Variants in FAR1 observed in about 807,000 individuals in gnomAD.
The protein encoded by FAR1 is male sterility domain-containing protein 2.
A neutral mutation model predicts 61.1 loss-of-function variants in FAR1; 22 were observed. That is an observed-to-expected ratio of 0.36 (90% confidence interval 0.26 to 0.51). FAR1 has a LOEUF of 0.51. Among genes scored for constraint, FAR1 ranks in the 20% least tolerant of loss-of-function variants. FAR1 has a pLI of 0.95. For synonymous variants in FAR1, 206 were observed against 209.7 expected (o/e 0.98, Z 0.15); for missense variants, 359 against 626.9 (o/e 0.57, Z 4.56).
chr11:13,694,211 G>T (rs1165417644), intron 1 of FAR1, among the ~76,000 whole-genome samples: 1 of 152,138 alleles, frequency 6.6e-6, no homozygotes, highest in African/African-American at 2.4e-5. Flanking sequence ...TTTAAAAGGG[G>T]AGATTTAAGC....
intron 1 of FAR1, among the ~76,000 whole-genome samples, chr11:13,673,760 C>G (rs1037405196): frequency 6.6e-6 from 1 of 152,214 alleles, no homozygotes; most frequent in Non-Finnish European, 1.5e-5. Flanking sequence ...TCTATATTTA[C>G]TTCAAAATGT....
At chr11:13,675,177 T>C (rs1208057674) in intron 1 of FAR1, among the ~76,000 whole-genome samples, 1 of 152,108 alleles carries the variant, frequency 6.6e-6, no homozygotes, top group Admixed American at 6.5e-5. Flanking sequence ...CATTATACTG[T>C]TCTGGGCACG....
chr11:13,690,036 C>T (rs1039486264), intron 1 of FAR1, among the ~76,000 whole-genome samples: 4 of 151,870 alleles, frequency 2.6e-5, no homozygotes, highest in South Asian at 2.1e-4. Context: ...CCACCACGCC[C>T]GACTAATTTT....
At chr11:13,687,077 A>G (rs1848194525) in intron 1 of FAR1, among the ~76,000 whole-genome samples, 1 of 152,194 alleles carries the variant, frequency 6.6e-6, no homozygotes, top group Non-Finnish European at 1.5e-5. Flanking sequence ...GTAGCTTTGT[A>G]TTATGTTTCT....
intron 1 of FAR1, among the ~76,000 whole-genome samples, chr11:13,681,243 A>T (rs561962551): frequency 2.6e-4 from 40 of 152,088 alleles, no homozygotes; most frequent in Non-Finnish European, 4.3e-4. Context: ...TTGAGTGGCT[A>T]AAAAAAACAG....
chr11:13,692,952 ATC>A (rs1848266775), intron 1 of FAR1, among the ~76,000 whole-genome samples: 1 of 151,870 alleles, frequency 6.6e-6, no homozygotes, highest in African/African-American at 2.4e-5. Flanking sequence ...ATCCGTGGTT[ATC>A]TGTTTGTATT....
intron 10 of FAR1, among the ~76,000 whole-genome samples, chr11:13,722,483 CTTTT>C (rs1014355829): frequency 6.8e-6 from 1 of 148,038 alleles, no homozygotes; most frequent in African/African-American, 2.5e-5. Flanking sequence ...TTTTCTTTTT[CTTTT>C]TTTTTGAGAT....
chr11:13,713,090 C>G, intron 8 of FAR1, 57 bp downstream of exon 8: 3 of 1,495,510 alleles, frequency 2.0e-6, no homozygotes, highest in Non-Finnish European at 2.8e-6. Flanking sequence ...ACCAAGTTCC[C>G]TGAAGTTTTA....
At chr11:13,708,543 T>G (rs1174914445) in intron 4 of FAR1, among the ~76,000 whole-genome samples, 1 of 152,058 alleles carries the variant, frequency 6.6e-6, no homozygotes, top group Admixed American at 6.6e-5. Context: ...TAGATTAATA[T>G]CTAAATAAAT....
intron 1 of FAR1, among the ~76,000 whole-genome samples, chr11:13,688,599 T>C (rs1848215023): frequency 6.6e-6 from 1 of 152,208 alleles, no homozygotes; most frequent in Admixed American, 6.5e-5. Flanking sequence ...TGGAAAACTT[T>C]CTGGTGCCTG....
chr11:13,725,314 C>T (rs1016077944), intron 10 of FAR1, among the ~76,000 whole-genome samples: 3 of 151,970 alleles, frequency 2.0e-5, no homozygotes, highest in African/African-American at 7.3e-5. Flanking sequence ...CCTGTTAATC[C>T]ACATCCTCCA....
chr11:13,711,397 A>T (rs914068585), intron 5 of FAR1, among the ~76,000 whole-genome samples: 1 of 152,106 alleles, frequency 6.6e-6, no homozygotes, highest in African/African-American at 2.4e-5. Context: ...TTTGAGGAGG[A>T]TTTACCATTT....
intron 3 of FAR1, 93 bp downstream of exon 3, chr11:13,700,585 G>A (rs1591263600): frequency 1.2e-6 from 1 of 803,548 alleles, no homozygotes; most frequent in Non-Finnish European, 1.8e-6. Flanking sequence ...TGTTTTGAAT[G>A]TGATTTGATA....
chr11:13,696,305 G>A (rs972477801), intron 2 of FAR1, among the ~76,000 whole-genome samples: 27 of 152,112 alleles, frequency 1.8e-4, no homozygotes, highest in African/African-American at 6.5e-4. Context: ...ACTTGTTGTA[G>A]GGGGTGGAAT....
intron 2 of FAR1, among the ~76,000 whole-genome samples, chr11:13,699,369 C>T (rs1410023783): frequency 6.6e-6 from 1 of 152,008 alleles, no homozygotes; most frequent in Non-Finnish European, 1.5e-5. Context: ...TATAAGAAAA[C>T]ATTAATATTC....
chr11:13,671,546 C>T (rs904809971), intron 1 of FAR1, among the ~76,000 whole-genome samples: 1 of 152,268 alleles, frequency 6.6e-6, no homozygotes, highest in Non-Finnish European at 1.5e-5. Flanking sequence ...GTAGGTTTAA[C>T]AGTCAACCAT....
chr11:13,720,479 A>G (rs1848598415), intron 9 of FAR1: 1 of 152,076 alleles, frequency 6.6e-6, no homozygotes, highest in Admixed American at 6.6e-5. Flanking sequence ...ATGCTTGATA[A>G]TTCGTTTTGT....
intron 9 of FAR1, among the ~76,000 whole-genome samples, chr11:13,716,709 C>G (rs1438736014): frequency 6.6e-6 from 1 of 152,134 alleles, no homozygotes; most frequent in Non-Finnish European, 1.5e-5. Context: ...TCACTTTTGC[C>G]TCATTCTTCT....
Position 13,694,822 on chromosome 11 carries a change from C to T in FAR1, c.57C>T (p.Thr19=), listed in dbSNP as rs139363221. The T allele has an allele frequency of 3.2e-5, 51 of 1,613,866 alleles. No individual in the cohort carries two copies. The highest frequency in any genetic ancestry group is 1.6e-4 in the Middle Eastern group (1 of 6,084). Residue 19 remains threonine, a synonymous_variant, in exon 2 of 12, where the codon ACC becomes ACT. Transcript: ENST00000354817. ...AGAACGTCCTCCTCACAGGAGCTAC[C>T]GGTTTTCTAGGGAAGGTGCTTCTGG... ...EGKNVLLTGA[T]GFLGKVLLEK... is the part of the protein sequence containing the mutation.
Sources: gnomAD v4.1 joint callset for allele counts (sites outside exome capture counted in the v4.1 genomes callset) on GRCh38, gnomAD v4.1.1 for gene constraint, MANE v1.5 for transcripts, NCBI Gene and HGNC (gene_info 2026-07-23, HGNC 2026-07-21) for gene names.